ASXL2: variants seen among roughly 807,000 people sequenced by gnomAD.
ASXL2 encodes putative Polycomb group protein ASXL2.
Under a neutral mutation model 122.0 loss-of-function variants are expected in ASXL2, and 23 were observed. That is an observed-to-expected ratio of 0.19 (90% CI 0.14 to 0.27). The LOEUF (loss-of-function observed/expected upper bound fraction) is 0.27, where lower values mean the gene tolerates loss of function less well. ASXL2 is among the 10% of genes least tolerant of loss of function. The probability of loss-of-function intolerance (pLI) is 1.00; values close to 1 mark genes in which losing one functional copy is unlikely to be tolerated. For missense variants in ASXL2, 1,518 were observed against 1,713.8 expected (o/e 0.89, Z 2.02); for synonymous variants, 650 against 637.0 (o/e 1.02, Z -0.31).
chr2:25,754,695 A>G (rs2088103492), intron 10 of ASXL2, among the ~76,000 whole-genome samples: 1 of 152,096 alleles, frequency 6.6e-6, no homozygotes, highest in South Asian at 2.1e-4. Context: ...AAAAAGTAAC[A>G]CTGATAATAA....
chr2:25,792,305 C>A (rs1450302262), intron 5 of ASXL2, among the ~76,000 whole-genome samples: 1 of 152,062 alleles, frequency 6.6e-6, no homozygotes, highest in Non-Finnish European at 1.5e-5. Flanking sequence ...GCCTGCCTAA[C>A]AAGTAGTTTA....
intron 1 of ASXL2, among the ~76,000 whole-genome samples, chr2:25,856,055 A>C (rs894241036): frequency 6.8e-6 from 1 of 146,926 alleles, no homozygotes; most frequent in Non-Finnish European, 1.5e-5. Flanking sequence ...CACCATACCT[A>C]ATTTTTGTTT....
chr2:25,867,488 A>T (rs1475031205), intron 1 of ASXL2, among the ~76,000 whole-genome samples: 1 of 152,182 alleles, frequency 6.6e-6, no homozygotes, highest in African/African-American at 2.4e-5. Context: ...TGCAAGTGGG[A>T]TAAGTATAGG....
At chr2:25,828,514 AAAAAAAT>A (rs1228484160) in intron 3 of ASXL2, among the ~76,000 whole-genome samples, 11 of 144,920 alleles carry the variant, frequency 7.6e-5, no homozygotes, top group African/African-American at 1.8e-4. Flanking sequence ...ATTTCAAAAA[AAAAAAAT>A]AAAAAGAAAA....
Position 25,739,153 on chromosome 2 carries a change from T to C in ASXL2, c.*2876A>G, listed in dbSNP as rs2087784708. On this transcript the variant is annotated 3_prime_UTR_variant, in exon 13 of 13. Transcript: ENST00000435504. ...TAGATAGGGGTGCACGGGAGGCGTA[T>C]GCATCAGGCATAATGCCTGACTAGT... 6.5e-6 allele frequency: 1 copy of C among 152,710 alleles called. No individual in the cohort carries two copies. The highest frequency in any genetic ancestry group is 1.9e-4 in the East Asian group (1 of 5,264). 9.5% of individuals were successfully genotyped at this position (152,710 alleles called of 1,614,324 possible). A position where few individuals can be genotyped will look rare whatever the true frequency, so the allele number is the denominator to read the frequency against.
At chr2:25,776,650 G>C (rs1464378660) in intron 5 of ASXL2, among the ~76,000 whole-genome samples, 1 of 152,164 alleles carries the variant, frequency 6.6e-6, no homozygotes, top group African/African-American at 2.4e-5. Context: ...TTATATCCTT[G>C]CCAATGCTTA....
At chr2:25,814,757 A>G (rs1000514138) in intron 3 of ASXL2, among the ~76,000 whole-genome samples, 1 of 152,234 alleles carries the variant, frequency 6.6e-6, no homozygotes, top group Admixed American at 6.5e-5. Flanking sequence ...TAGTAGGGCT[A>G]AGAGAGCAGA....
intron 1 of ASXL2, chr2:25,856,994 T>C (rs1188462007): frequency 3.1e-6 from 1 of 320,332 alleles, no homozygotes; most frequent in Non-Finnish European, 5.8e-6. Flanking sequence ...ACAGTAATGA[T>C]AGCAAGTTTC....
chr2:25,741,550 C>A lies in ASXL2; in HGVS notation c.*479G>T, dbSNP rs141131150. ...GGCTGAATAATCTATGAATAACCTG[C>A]GGCCAGACTGTCCAGACAAAATCAG... On this transcript the variant is annotated 3_prime_UTR_variant, in exon 13 of 13. Transcript: ENST00000435504. 8.6e-6 allele frequency: 2 copies of A among 232,108 alleles called. No individual in the cohort carries two copies. The highest frequency in any genetic ancestry group is 2.2e-5 in the African/African-American group (1 of 45,040). 14.4% of individuals were successfully genotyped at this position (232,108 alleles called of 1,614,324 possible). A position where few individuals can be genotyped will look rare whatever the true frequency, so the allele number is the denominator to read the frequency against.
chr2:25,792,703 T>G (rs957559888), intron 5 of ASXL2, among the ~76,000 whole-genome samples: 5 of 151,806 alleles, frequency 3.3e-5, no homozygotes, highest in Admixed American at 2.0e-4. Flanking sequence ...CCTCCTGGGT[T>G]CAAGTGATTC....
intron 5 of ASXL2, among the ~76,000 whole-genome samples, chr2:25,783,771 C>G (rs1379539127): frequency 6.6e-6 from 1 of 151,500 alleles, no homozygotes; most frequent in African/African-American, 2.4e-5. Flanking sequence ...AAAAAAAATA[C>G]ATGGCCGGGT....
intron 1 of ASXL2, among the ~76,000 whole-genome samples, chr2:25,871,249 T>C (rs1574457643): frequency 1.3e-5 from 2 of 152,268 alleles, no homozygotes; most frequent in East Asian, 1.9e-4. Context: ...GCAAGTTTAG[T>C]TATATCTTCC....
chr2:25,808,633 A>G (rs1208238109), intron 3 of ASXL2, among the ~76,000 whole-genome samples: 1 of 152,164 alleles, frequency 6.6e-6, no homozygotes, highest in Admixed American at 6.5e-5. Flanking sequence ...CGCCTGGCCA[A>G]AATTTTTAAA....
At chr2:25,785,526 C>A (rs963902881) in intron 5 of ASXL2, among the ~76,000 whole-genome samples, 2 of 151,162 alleles carry the variant, frequency 1.3e-5, no homozygotes, top group African/African-American at 4.9e-5. Flanking sequence ...TGCCCACCCC[C>A]CAAACCTTTT....
rs770796389 is a variant in ASXL2, at chr2:25,750,204, C to T, written c.1352G>A (p.Gly451Asp). The T allele has an allele frequency of 1.9e-6, 3 of 1,613,978 alleles. No homozygotes were observed. The highest frequency in any genetic ancestry group is 2.5e-6 in the Non-Finnish European group (3 of 1,179,882). The change falls in exon 12 of 13, where the codon GGT becomes GAT. Residue 451 changes from glycine (G) to aspartate (D), a missense_variant. Gly to Asp is a moderately conservative substitution (Grantham distance 94). Coordinates refer to ENST00000435504, the MANE Select transcript of ASXL2 (RefSeq NM_018263.6). ...PGRKEECESQ[G>D]EVQPNFSTSS... The stretch of plus-strand genomic sequence containing the variant: ...TGTGGAGAAGTTCGGCTGCACTTCA[C>T]CTTGGCTTTCACACTCTTCTTTTCT...
rs961791391 is a variant in ASXL2, at chr2:25,740,910, G to A, written c.*1119C>T. On this transcript the variant is annotated 3_prime_UTR_variant, in exon 13 of 13. Transcript: ENST00000435504. ...GATGCCTGGGAGGTCAAAACAGGTT[G>A]AACAGAATGAACAAATGTGGCATTG... The A allele has an allele frequency of 2.6e-5, 5 of 191,602 alleles. No homozygotes were observed. In the Admixed American group the frequency reaches 3.1e-4, roughly 12 times the overall value. The allele number at this position is 191,602 out of a possible 1,614,324, so 11.9% of individuals were successfully genotyped here.
At chr2:25,768,997 C>CA in intron 6 of ASXL2, 129 bp from the exon 7 acceptor site, 1 of 1,126,210 alleles carries the variant, frequency 8.9e-7, no homozygotes, top group Non-Finnish European at 1.2e-6. Flanking sequence ...TCAAAGCAAA[C>CA]AAAAACCTAA....
chr2:25,824,497 AC>A (rs2089351676), intron 3 of ASXL2, among the ~76,000 whole-genome samples: 1 of 152,158 alleles, frequency 6.6e-6, no homozygotes, highest in African/African-American at 2.4e-5. Context: ...ACACACACAC[AC>A]AATTTGCCTC....
intron 2 of ASXL2, among the ~76,000 whole-genome samples, chr2:25,836,906 C>T (rs1326075608): frequency 6.6e-6 from 1 of 152,120 alleles, no homozygotes; most frequent in Admixed American, 6.6e-5. Context: ...TTCCCCTCTT[C>T]TATTCATGAA....
Sources: allele counts gnomAD v4.1 joint callset (sites outside exome capture counted in the v4.1 genomes callset), GRCh38; gene constraint gnomAD v4.1.1; transcripts MANE v1.5; gene names NCBI Gene and HGNC (gene_info 2026-07-23, HGNC 2026-07-21).